Variants in GRHL1 observed in about 807,000 individuals in gnomAD.
GRHL1 encodes grainyhead like transcription factor 1.
A neutral mutation model predicts 75.7 loss-of-function variants in GRHL1; 38 were observed. The observed-to-expected ratio is 0.50, with a 90% CI of 0.39 to 0.66. The LOEUF is 0.66. Ranked by LOEUF, GRHL1 falls within the 30% of genes least tolerant of loss-of-function variation. GRHL1 has a pLI of 0.00. For missense variants in GRHL1, 589 were observed against 767.5 expected, an observed-to-expected ratio of 0.77 and a Z score of 2.75; for synonymous variants, 266 against 279.4, an observed-to-expected ratio of 0.95 and a Z score of 0.48.
Position 9,992,145 on chromosome 2 carries a change from A to G in GRHL1, c.1460A>G (p.His487Arg), listed in dbSNP as rs1184472409. The part of the protein sequence containing the change: ...VHFANLQRGT[H>R]VLPIASEELE... ...TTTGCCAACTTGCAGCGGGGCACTC[A>G]TGTAGGTAACCAGGATCCCAGGGGA... Residue 487 changes from histidine to arginine, a missense_variant and splice_region_variant, in exon 11 of 16, where the codon CAT becomes CGT. Physicochemically the swap from His to Arg is conservative, Grantham distance 29. Coordinates refer to ENST00000324907, the MANE Select transcript of GRHL1 (RefSeq NM_198182.3). The surrounding 1 kb of genome is among the most constrained non-coding windows in gnomAD (Gnocchi z 4.6). 13 of 1,612,104 alleles carry G rather than the reference A, an allele frequency of 8.1e-6. No individual in the cohort carries two copies. Among genetic ancestry groups the G allele is most frequent in the African/African-American group, 1.3e-5 (1 of 74,824 alleles).
chr2:9,960,457 A>T (rs1395520765), intron 3 of GRHL1: 3 of 137,686 alleles, frequency 2.2e-5, no homozygotes, highest in African/African-American at 6.3e-5. Flanking sequence ...TAAAAAATTA[A>T]AAAAAAAAAA....
intron 12 of GRHL1, among the ~76,000 whole-genome samples, chr2:9,994,336 T>TTATTATTAC (rs1668765499): frequency 1.3e-5 from 2 of 148,658 alleles, no homozygotes; most frequent in Non-Finnish European, 1.5e-5. Flanking sequence ...ATTATTATTA[T>TTATTATTAC]TATTATTATT....
chr2:9,965,410 T>G, intron 8 of GRHL1, 29 bp downstream of exon 8: 1 of 1,203,414 alleles, frequency 8.3e-7, no homozygotes. Context: ...GCGCCTTATG[T>G]CCAGCCATTT....
chr2:9,978,720 G>T (rs1668056869), intron 8 of GRHL1, among the ~76,000 whole-genome samples: 1 of 152,196 alleles, frequency 6.6e-6, no homozygotes, highest in East Asian at 1.9e-4. Context: ...GCCGGGCATG[G>T]TGGCTCATGC....
rs1243912049 is a variant in GRHL1 at position 9,998,993 on chromosome 2, A to T, written c.1706A>T (p.Asp569Val). Reference sequence around the variant, plus strand: ...TCAGACAAATACGATGTTCCCCATGACAAGATTGGGAAAATATTCAAGAAG... The same window carrying T: ...TCAGACAAATACGATGTTCCCCATGTCAAGATTGGGAAAATATTCAAGAAG... ...AISDKYDVPH[D>V]KIGKIFKKCK... Residue 569 changes from aspartate (D) to valine (V), a missense_variant, in exon 15 of 16, where the codon GAC becomes GTC. By Grantham distance (152) the Asp-to-Val change is radical. This residue lies in a region of GRHL1 where 192 missense variants were observed against 226.6 expected (regional missense o/e 0.85). Coordinates refer to ENST00000324907, the MANE Select transcript of GRHL1 (RefSeq NM_198182.3). The T allele has an allele frequency of 1.5e-5, 24 of 1,580,858 alleles. No individual in the cohort carries two copies. The Admixed American group carries it at 4.0e-4, about 27-fold the overall frequency.
At chr2:9,980,857 G>C (rs2033326) in intron 8 of GRHL1, among the ~76,000 whole-genome samples, 46,893 of 152,090 alleles carry the variant, frequency 0.31, 7,605 homozygotes, top group African/African-American at 0.39. Flanking sequence ...TTGGATGTGT[G>C]CTCATTCATC....
At chr2:9,978,859 C>T (rs948111537) in intron 8 of GRHL1, among the ~76,000 whole-genome samples, 18 of 152,064 alleles carry the variant, frequency 1.2e-4, no homozygotes, top group East Asian at 3.9e-4. Context: ...TGTGTGGTGA[C>T]GGGCACCTGT....
rs1182901904 is a variant in GRHL1, at chr2:9,992,093, C to T, written c.1408C>T (p.Pro470Ser). 4 of 1,613,830 alleles carry T rather than the reference C, an allele frequency of 2.5e-6. No homozygotes were observed. The highest frequency in any genetic ancestry group is 2.5e-6 in the Non-Finnish European group (3 of 1,179,832). ...FKPFIDLDTQ[P>S]VLFIPDVHFA... is the part of the protein sequence containing the mutation. The stretch of plus-strand genomic sequence containing the variant: ...ACCCTTCATTGATCTCGATACTCAG[C>T]CTGTCCTCTTCATTCCTGACGTGCA... Residue 470 changes from proline to serine, a missense_variant, in exon 11 of 16, where the codon CCT (proline) becomes TCT (serine). Pro to Ser is a moderately conservative substitution (Grantham distance 74). Around this residue, in one of 5 missense-constraint regions of GRHL1, gnomAD observed 192 missense variants for 226.6 expected, o/e 0.85. Transcript: ENST00000324907. This position sits in a 1 kb window ranked among gnomAD's most constrained non-coding sequence, Gnocchi z 4.6.
At chr2:9,999,092 G>T in intron 15 of GRHL1, 63 bp downstream of exon 15, 1 of 751,960 alleles carries the variant, frequency 1.3e-6, no homozygotes, top group Non-Finnish European at 2.2e-6. Context: ...GTGCTAGTGT[G>T]ACGCACCCCC....
intron 3 of GRHL1, chr2:9,960,006 T>C (rs906150876): frequency 2.0e-5 from 3 of 152,232 alleles, no homozygotes; most frequent in African/African-American, 7.2e-5. Flanking sequence ...ATATGATTTC[T>C]GGGGGCTTTG....
intron 12 of GRHL1, 22 bp from the exon 13 acceptor site, chr2:9,995,857 G>A (rs1383428381): frequency 4.9e-6 from 7 of 1,417,674 alleles, no homozygotes; most frequent in Non-Finnish European, 7.0e-6. Flanking sequence ...AATCACTAAC[G>A]GCATATTTTG....
intron 7 of GRHL1, chr2:9,964,642 G>T: frequency 3.7e-6 from 1 of 269,480 alleles, no homozygotes; most frequent in East Asian, 7.0e-5. Flanking sequence ...ATTGCTTTAA[G>T]GGGTAATATC....
rs1265446068 is a variant in GRHL1 at position 9,990,681 on chromosome 2, T to C, written c.1270-15T>C. On this transcript the variant is annotated splice_polypyrimidine_tract_variant and intron_variant, in intron 9 of 15. Transcript: ENST00000324907. This position sits in a 1 kb window ranked among gnomAD's most constrained non-coding sequence, Gnocchi z 4.2. ...TGGAAAACAGAATCATATCTTGTCT[T>C]CTCTTAACCTACAGGGAGCTGAGCG... 18 of 1,559,718 alleles carry C rather than the reference T, an allele frequency of 1.2e-5. No homozygotes were observed. The highest frequency in any genetic ancestry group is 1.6e-5 in the Non-Finnish European group (18 of 1,137,396).
Position 9,990,887 on chromosome 2 carries a change from G to C in GRHL1, c.1321+140G>C, listed in dbSNP as rs1471065822. On this transcript the variant is annotated intron_variant, in intron 10 of 15. Transcript: ENST00000324907. The surrounding 1 kb of genome is among the most constrained non-coding windows in gnomAD (Gnocchi z 4.2). ...GGGTGTTCTTCCTGTTCTGCAGTGT[G>C]GCACTGCCTCTTCCTCAGATCAGCA... 8.2e-6 allele frequency: 5 copies of C among 613,028 alleles called. No individual in the cohort carries two copies. The highest frequency in any genetic ancestry group is 1.8e-5 in the African/African-American group (1 of 54,056). The allele number at this position is 613,028 out of a possible 1,614,324, so 38.0% of individuals were successfully genotyped here.
chr2:9,985,640 G>A (rs1357664578), intron 8 of GRHL1, among the ~76,000 whole-genome samples: 1 of 152,236 alleles, frequency 6.6e-6, no homozygotes, highest in Non-Finnish European at 1.5e-5. Context: ...TATAAAAATT[G>A]TGGATTAGAG....
At chr2:9,965,089 G>A (rs1043620705) in intron 7 of GRHL1, 198 bp from the exon 8 acceptor site, 1 of 513,782 alleles carries the variant, frequency 1.9e-6, no homozygotes, top group African/African-American at 1.9e-5. Context: ...AATTAAATAT[G>A]TCTAAGCTTG....
At chr2:10,000,536 T>G in intron 15 of GRHL1, 57 bp from the exon 16 acceptor site, 3 of 951,660 alleles carry the variant, frequency 3.2e-6, no homozygotes, top group Non-Finnish European at 5.2e-6. Context: ...TCAATCTAGG[T>G]CTGACTCCAG....
At chr2:9,995,567 A>G (rs78674042) in intron 12 of GRHL1, among the ~76,000 whole-genome samples, 1,591 of 149,634 alleles carry the variant, frequency 0.011, 29 homozygotes, top group African/African-American at 0.037. Context: ...CCTGAGCAAC[A>G]GAATGAGACC....
At chr2:9,999,487 G>A (rs1369688184) in intron 15 of GRHL1, among the ~76,000 whole-genome samples, 2 of 152,216 alleles carry the variant, frequency 1.3e-5, no homozygotes, top group Non-Finnish European at 2.9e-5. Context: ...ACGGTGCTGC[G>A]CTTGGTCTTC....
Sources: gnomAD v4.1 joint callset for allele counts (sites outside exome capture counted in the v4.1 genomes callset) on GRCh38, gnomAD v4.1.1 for gene constraint, gnomAD v4.1.1 regional missense constraint, Gnocchi (gnomAD v3.1) non-coding constraint, MANE v1.5 for transcripts, NCBI Gene and HGNC (gene_info 2026-07-23, HGNC 2026-07-21) for gene names.